Variants in SHISAL1 observed in about 807,000 individuals in gnomAD.
The protein encoded by SHISAL1 is shisa like 1.
Under a neutral mutation model 22.6 loss-of-function variants are expected in SHISAL1, and 9 were observed. The observed-to-expected ratio is 0.40, with a 90% confidence interval of 0.24 to 0.70. The LOEUF is 0.70. SHISAL1 is among the 30% of genes least tolerant of loss of function. The probability of loss-of-function intolerance (pLI) is 0.39; values close to 1 mark genes in which losing one functional copy is unlikely to be tolerated. For missense variants in SHISAL1, 246 were observed against 270.6 expected (o/e 0.91, Z 0.64); for synonymous variants, 119 against 115.4 (o/e 1.03, Z -0.20).
At chr22:44,307,828 G>T (rs923742505) in intron 1 of SHISAL1, among the ~76,000 whole-genome samples, 2 of 152,224 alleles carry the variant, frequency 1.3e-5, no homozygotes, top group African/African-American at 4.8e-5. Context: ...AACAGCAACG[G>T]ATCTGTTTTT....
At chr22:44,279,115 C>A (rs1373981270) in intron 4 of SHISAL1, among the ~76,000 whole-genome samples, 2 of 152,196 alleles carry the variant, frequency 1.3e-5, no homozygotes, top group Non-Finnish European at 2.9e-5. Flanking sequence ...GTACCCACCA[C>A]CGCGGAGTGA....
chr22:44,244,532 TCAAG>T lies in SHISAL1; in HGVS notation c.*5149_*5152del, dbSNP rs756866249. ...ACTAACAGTCAAATCTGCTCATTCA[TCAAG>T]CATCTATCTAGCACCAGCTGTTGGC... On this transcript the variant is annotated 3_prime_UTR_variant, in exon 5 of 5. Coordinates refer to ENST00000381176, the MANE Select transcript of SHISAL1 (RefSeq NM_001099294.2). 1.3e-5 allele frequency: 2 copies of T among 152,204 alleles called. No individual in the cohort carries two copies. The highest frequency in any genetic ancestry group is 2.9e-5 in the Non-Finnish European group (2 of 68,042). 9.4% of individuals were successfully genotyped at this position (152,204 alleles called of 1,614,324 possible). A position where few individuals can be genotyped will look rare whatever the true frequency, so the allele number is the denominator to read the frequency against.
At chr22:44,283,505 G>A (rs6006722) in intron 4 of SHISAL1, among the ~76,000 whole-genome samples, 6,866 of 152,256 alleles carry the variant, frequency 0.045, 523 homozygotes, top group African/African-American at 0.15. Context: ...AGGCAAAAAC[G>A]TTCTGGGCAG....
chr22:44,329,425 G>A, the SHISAL1 span, among the ~76,000 whole-genome samples: 3 of 151,248 alleles, frequency 2.0e-5, no homozygotes, highest in Non-Finnish European at 4.4e-5. Context: ...GGGTGGCTCA[G>A]GAGAGCGAGA....
At chr22:44,267,022 G>C (rs981237850) in intron 4 of SHISAL1, among the ~76,000 whole-genome samples, 2 of 152,138 alleles carry the variant, frequency 1.3e-5, no homozygotes, top group Non-Finnish European at 2.9e-5. Context: ...AGCGGCTTCT[G>C]GCAGACAGGA....
intron 1 of SHISAL1, among the ~76,000 whole-genome samples, chr22:44,309,943 G>A (rs773423687): frequency 2.0e-5 from 3 of 152,212 alleles, no homozygotes; most frequent in Non-Finnish European, 2.9e-5. Context: ...ATGCTTGCAG[G>A]GGGAAGCGGC....
At chr22:44,267,444 G>C (rs1466938783) in intron 4 of SHISAL1, among the ~76,000 whole-genome samples, 1 of 151,466 alleles carries the variant, frequency 6.6e-6, no homozygotes, top group East Asian at 2.0e-4. Flanking sequence ...CAATCTCACG[G>C]ACTCCACTCC....
At chr22:44,273,779 T>TG (rs1569213946) in intron 4 of SHISAL1, among the ~76,000 whole-genome samples, 1 of 151,708 alleles carries the variant, frequency 6.6e-6, no homozygotes, top group South Asian at 2.1e-4. Context: ...AACTGAAACG[T>TG]GGGGGATAAA....
chr22:44,289,496 T>G lies in SHISAL1; in HGVS notation c.282-3751A>C, dbSNP rs8135491. Among the ~76,000 whole-genome samples, 437 of 137,812 alleles carry G rather than the reference T, an allele frequency of 3.2e-3. 2 individuals carry two copies. Among genetic ancestry groups the G allele is most frequent in the African/African-American group, 9.8e-3 (366 of 37,428 alleles). The allele number at this position is 137,812 out of a possible 152,430, so 90.4% of individuals were successfully genotyped here. ...TGTGTGTGTGTGTGTGTGTGTGTGT[T>G]TACTGCCGGGCTCCTGGCCTCTGCA... On this transcript the variant is annotated intron_variant, in intron 3 of 4. Transcript: ENST00000381176.
Position 44,285,648 on chromosome 22 carries a change from T to A in SHISAL1, c.379A>T (p.Ile127Phe), listed in dbSNP as rs767344253. ...LLYYSAMNYD[I>F]CKVYLARWGI... ...CACCGTGCCAGGTAGACCTTGCAGA[T>A]GTCGTAGTTCATTGCCGAGTAATAC... The change falls in exon 4 of 5, where the codon ATC (isoleucine) becomes TTC (phenylalanine). Residue 127 changes from isoleucine (I) to phenylalanine (F), a missense_variant. This residue lies in a region of SHISAL1 where 136 missense variants were observed against 117.5 expected (regional missense o/e 1.16). Coordinates refer to ENST00000381176, the MANE Select transcript of SHISAL1 (RefSeq NM_001099294.2). 1.9e-6 allele frequency: 3 copies of A among 1,614,160 alleles called. No homozygotes were observed. Among genetic ancestry groups the A allele is most frequent in the Middle Eastern group, 1.6e-4 (1 of 6,062 alleles).
At chr22:44,270,881 G>A (rs974644597) in intron 4 of SHISAL1, among the ~76,000 whole-genome samples, 4 of 152,198 alleles carry the variant, frequency 2.6e-5, no homozygotes. Context: ...AGAGCAGCCA[G>A]GCTGGCAACA....
At chr22:44,299,890 A>C (rs898206541) in intron 2 of SHISAL1, among the ~76,000 whole-genome samples, 22 of 151,838 alleles carry the variant, frequency 1.4e-4, no homozygotes, top group Admixed American at 1.2e-3. Context: ...AGAAAGACAG[A>C]GACAGAGAGA....
At chr22:44,270,648 G>A (rs2055199506) in intron 4 of SHISAL1, among the ~76,000 whole-genome samples, 1 of 152,160 alleles carries the variant, frequency 6.6e-6, no homozygotes, top group South Asian at 2.1e-4. Flanking sequence ...ACCACAGAGA[G>A]GGTCACAGGG....
At position 44,298,980 on chromosome 22, in the gene SHISAL1, T is replaced by A. The variant is rs2055407292; in HGVS notation, c.67+1899A>T. On this transcript the variant is annotated intron_variant, in intron 2 of 4. Coordinates refer to ENST00000381176, the MANE Select transcript of SHISAL1 (RefSeq NM_001099294.2). ...GTGGGAGTCCTGGCATGAGGCTGCC[T>A]GGGCCATCGTGACCTCTCTGGCCTC... is the stretch of plus-strand genomic sequence containing the variant. 2.0e-5 allele frequency among the ~76,000 whole-genome samples: 3 copies of A among 152,192 alleles called. No homozygotes were observed. The South Asian group carries it at 6.2e-4, about 32-fold the overall frequency.
chr22:44,257,208 C>T (rs557790635), intron 4 of SHISAL1, among the ~76,000 whole-genome samples: 2 of 152,322 alleles, frequency 1.3e-5, no homozygotes, highest in South Asian at 2.1e-4. Flanking sequence ...TCTCACGTAA[C>T]GATTATCCTA....
intron 4 of SHISAL1, among the ~76,000 whole-genome samples, chr22:44,259,112 A>T (rs1239641986): frequency 6.6e-6 from 1 of 152,210 alleles, no homozygotes; most frequent in East Asian, 1.9e-4. Context: ...CTATGTTCTT[A>T]GGTGGAAATT....
chr22:44,303,089 A>G (rs1350866084), intron 1 of SHISAL1, among the ~76,000 whole-genome samples: 1 of 152,062 alleles, frequency 6.6e-6, no homozygotes, highest in East Asian at 1.9e-4. Context: ...TGCTCTGTGT[A>G]ACAGCGTCGT....
At chr22:44,266,528 A>ATGTGTGTATGTGTGTGTGTGTGTGTGTG (rs1555926299) in intron 4 of SHISAL1, among the ~76,000 whole-genome samples, 1 of 108,328 alleles carries the variant, frequency 9.2e-6, no homozygotes, top group African/African-American at 3.8e-5. Context: ...GCTTTGGGGT[A>ATGTGTGTATGTGTGTGTGTGTGTGTGTG]TGTGTGTGTG....
chr22:44,301,584 C>G (rs141118982), intron 1 of SHISAL1, among the ~76,000 whole-genome samples: 5 of 152,152 alleles, frequency 3.3e-5, no homozygotes, highest in African/African-American at 1.2e-4. Flanking sequence ...AACAGGGACT[C>G]GAACAGATAC....
Sources: gnomAD v4.1 joint callset for allele counts (sites outside exome capture counted in the v4.1 genomes callset) on GRCh38, gnomAD v4.1.1 for gene constraint, gnomAD v4.1.1 regional missense constraint, MANE v1.5 for transcripts, NCBI Gene and HGNC (gene_info 2026-07-23, HGNC 2026-07-21) for gene names.